ACO2: variants seen among roughly 807,000 people sequenced by gnomAD.
ACO2 encodes aconitase 2, also known as aconitate hydratase, mitochondrial.
Under a neutral mutation model 84.5 loss-of-function variants are expected in ACO2, and 31 were observed. The observed-to-expected ratio is 0.37, with a 90% CI of 0.28 to 0.50. The LOEUF is 0.50. Among genes scored for constraint, ACO2 ranks in the 20% least tolerant of loss-of-function variants. ACO2 has a pLI of 0.97. For missense variants in ACO2, 685 were observed against 1,029.3 expected, an observed-to-expected ratio of 0.67 and a Z score of 4.58; for synonymous variants, 414 against 412.7, an observed-to-expected ratio of 1.00 and a Z score of -0.04.
intron 1 of ACO2, among the ~76,000 whole-genome samples, chr22:41,477,401 C>T (rs2038030779): frequency 6.6e-6 from 1 of 151,612 alleles, no homozygotes; most frequent in Non-Finnish European, 1.5e-5. Flanking sequence ...CCTTGTGATC[C>T]ACCTGCCTCG....
At chr22:41,517,740 TC>T in intron 7 of ACO2, 109 bp downstream of exon 7, 2 of 954,704 alleles carry the variant, frequency 2.1e-6, no homozygotes, top group Non-Finnish European at 3.3e-6. Flanking sequence ...ACCCATTGTC[TC>T]CAGACAGGCG....
chr22:41,487,409 C>A (rs1244521637), intron 1 of ACO2, among the ~76,000 whole-genome samples: 1 of 152,188 alleles, frequency 6.6e-6, no homozygotes, highest in African/African-American at 2.4e-5. Context: ...CTTACACAGT[C>A]CCTTGAGTGA....
chr22:41,492,343 T>C (rs1188267271), intron 1 of ACO2, among the ~76,000 whole-genome samples: 1 of 152,164 alleles, frequency 6.6e-6, no homozygotes, highest in Non-Finnish European at 1.5e-5. Flanking sequence ...GGGTAATTTA[T>C]AAAGGAATTT....
At chr22:41,525,517 C>T (rs989728336) in intron 14 of ACO2, among the ~76,000 whole-genome samples, 169 bp downstream of exon 14, 8 of 152,228 alleles carry the variant, frequency 5.3e-5, no homozygotes, top group Non-Finnish European at 7.3e-5. Context: ...CGCAGTCCAG[C>T]GTCCCCCTTC....
chr22:41,487,190 C>G (rs931354776), intron 1 of ACO2, among the ~76,000 whole-genome samples: 2 of 152,164 alleles, frequency 1.3e-5, no homozygotes, highest in Non-Finnish European at 2.9e-5. Flanking sequence ...GGCTGCTTTT[C>G]TTTTCTTTCA....
intron 12 of ACO2, among the ~76,000 whole-genome samples, chr22:41,524,374 G>A (rs2146137813): frequency 6.6e-6 from 1 of 152,378 alleles, no homozygotes; most frequent in East Asian, 1.9e-4. Flanking sequence ...AGTGAGCCTT[G>A]CCCTTGGCGG....
chr22:41,515,555 C>A lies in ACO2; in HGVS notation c.684+20C>A. The stretch of plus-strand genomic sequence containing the variant: ...CCCAAGGTGAGGGTGGGGAGGGACT[C>A]ATTCTGGGCTGGCTGTGGGGTGGTG... On this transcript the variant is annotated intron_variant, in intron 5 of 17. Transcript: ENST00000216254. The surrounding 1 kb of genome is among the most constrained non-coding windows in gnomAD (Gnocchi z 5.8). The A allele has an allele frequency of 1.3e-6, 2 of 1,597,038 alleles. No individual in the cohort carries two copies. The highest frequency in any genetic ancestry group is 1.7e-6 in the Non-Finnish European group (2 of 1,170,964).
intron 2 of ACO2, among the ~76,000 whole-genome samples, chr22:41,503,826 A>T (rs940186237): frequency 2.6e-5 from 4 of 152,196 alleles, no homozygotes; most frequent in African/African-American, 9.7e-5. Context: ...CAGCCCCACA[A>T]CAAAAGAATT....
intron 4 of ACO2, among the ~76,000 whole-genome samples, chr22:41,512,800 G>A (rs555213652): frequency 2.0e-5 from 3 of 152,282 alleles, no homozygotes; most frequent in South Asian, 2.1e-4. Flanking sequence ...TCCTGGGGAG[G>A]TGGGTGCTTC....
At chr22:41,513,275 C>T (rs1242686590) in intron 4 of ACO2, among the ~76,000 whole-genome samples, 1 of 152,094 alleles carries the variant, frequency 6.6e-6, no homozygotes, top group Non-Finnish European at 1.5e-5. Flanking sequence ...AGTTTGGAGC[C>T]GTGAGTGATG....
chr22:41,525,095 G>A (rs981045145), intron 13 of ACO2, 98 bp from the exon 14 acceptor site: 1 of 1,595,260 alleles, frequency 6.3e-7, no homozygotes, highest in African/African-American at 1.3e-5. Context: ...CTGTTCCCTG[G>A]GAGGGGAGGT....
intron 1 of ACO2, among the ~76,000 whole-genome samples, chr22:41,493,101 T>A (rs2066285012): frequency 6.6e-6 from 1 of 152,052 alleles, no homozygotes. Context: ...GGGGCCGGAT[T>A]TATCCCTTTA....
chr22:41,523,139 C>G, intron 10 of ACO2, 66 bp from the exon 11 acceptor site: 1 of 1,540,658 alleles, frequency 6.5e-7, no homozygotes, highest in Non-Finnish European at 8.9e-7. Context: ...CTGCAGCCAC[C>G]ACATCACCCC....
rs1167174813 is a variant in ACO2 at position 41,469,202 on chromosome 22, T to C, written c.36+20T>C. ...CTGCAGGTGAGCGAGCTCAGGGACCTCTGGGTTCACGGGGGCGGGGTGCCT... is the reference window on the plus strand; with the variant it reads ...CTGCAGGTGAGCGAGCTCAGGGACCCCTGGGTTCACGGGGGCGGGGTGCCT... On this transcript the variant is annotated intron_variant, in intron 1 of 17. Transcript: ENST00000216254. 13 of 1,605,258 alleles carry C rather than the reference T, an allele frequency of 8.1e-6. No homozygotes were observed. In the Admixed American group the frequency reaches 1.0e-4, roughly 13 times the overall value.
chr22:41,515,278 A>T lies in ACO2; in HGVS notation c.526-99A>T. The T allele has an allele frequency of 7.2e-7, 1 of 1,383,916 alleles. No individual in the cohort carries two copies. The highest frequency in any genetic ancestry group is 1.0e-6 in the Non-Finnish European group (1 of 977,824). The allele number at this position is 1,383,916 out of a possible 1,614,324, so 85.7% of individuals were successfully genotyped here. A position where few individuals can be genotyped will look rare whatever the true frequency, so the allele number is the denominator to read the frequency against. On this transcript the variant is annotated intron_variant, in intron 4 of 17. Transcript: ENST00000216254. This position sits in a 1 kb window ranked among gnomAD's most constrained non-coding sequence, Gnocchi z 5.8. ...GCTCCTACCAGTTCCATCCTGGGAG[A>T]GTGGCTGGACGTGGTTGGGAGGCCC...
rs774584067 is a variant in ACO2 at position 41,524,864 on chromosome 22, A to G, written c.1501A>G (p.Ile501Val). ...TSPEIVTALA[I>V]AGTLKFNPET... is the part of the protein sequence containing the mutation. Reference sequence around the variant, plus strand: ...ATTTCAGATTGTCACAGCCCTGGCCATTGCGGGAACCCTCAAGTTCAACCC... The same window carrying G: ...ATTTCAGATTGTCACAGCCCTGGCCGTTGCGGGAACCCTCAAGTTCAACCC... Residue 501 changes from isoleucine (I) to valine (V), a missense_variant, in exon 13 of 18, where the codon ATT (isoleucine) becomes GTT (valine). This residue lies in a region of ACO2 where 311 missense variants were observed against 441.6 expected (regional missense o/e 0.70). Transcript: ENST00000216254. 9 of 1,614,106 alleles carry G rather than the reference A, an allele frequency of 5.6e-6. No homozygotes were observed. The highest frequency in any genetic ancestry group is 7.6e-6 in the Non-Finnish European group (9 of 1,180,052).
chr22:41,484,117 C>T lies in ACO2; in HGVS notation c.36+14935C>T, dbSNP rs575069860. Among the ~76,000 whole-genome samples the T allele has an allele frequency of 3.9e-5, 6 of 152,238 alleles. No individual in the cohort carries two copies. The East Asian group carries it at 1.2e-3, about 29-fold the overall frequency. On this transcript the variant is annotated intron_variant, in intron 1 of 17. Coordinates refer to ENST00000216254, the MANE Select transcript of ACO2 (RefSeq NM_001098.3). Reference sequence around the variant, plus strand: ...GGGTTGGGACTTGAGTCCTGGTTTCCTTTATAATGATAGTTTTTAAATTTT... The same window carrying T: ...GGGTTGGGACTTGAGTCCTGGTTTCTTTTATAATGATAGTTTTTAAATTTT...
At chr22:41,487,498 G>A (rs2066236904) in intron 1 of ACO2, among the ~76,000 whole-genome samples, 2 of 152,156 alleles carry the variant, frequency 1.3e-5, no homozygotes, top group South Asian at 4.1e-4. Context: ...TAATGAATCA[G>A]GAAGACGTTA....
intron 12 of ACO2, among the ~76,000 whole-genome samples, 161 bp from the exon 13 acceptor site, chr22:41,524,685 A>G (rs190121041): frequency 2.1e-4 from 32 of 152,330 alleles, no homozygotes; most frequent in Admixed American, 1.8e-3. Context: ...CGTGGTCCCA[A>G]AGATCGTCCT....
Sources: gnomAD v4.1 joint callset for allele counts (sites outside exome capture counted in the v4.1 genomes callset) on GRCh38, gnomAD v4.1.1 for gene constraint, gnomAD v4.1.1 regional missense constraint, Gnocchi (gnomAD v3.1) non-coding constraint, MANE v1.5 for transcripts, NCBI Gene and HGNC (gene_info 2026-07-23, HGNC 2026-07-21) for gene names.